Variants in SIK3 observed in about 807,000 individuals in gnomAD.
SIK3 encodes serine/threonine-protein kinase SIK3.
In SIK3, 28 loss-of-function variants were observed where a neutral mutation model predicts 144.2. The observed-to-expected ratio is 0.19, with a 90% confidence interval of 0.14 to 0.27. The LOEUF (loss-of-function observed/expected upper bound fraction) is 0.27. SIK3 is among the 10% of genes least tolerant of loss of function. The pLI, the probability that SIK3 is intolerant of heterozygous loss-of-function variation, is 1.00. For missense variants in SIK3, 1,319 were observed against 1,776.0 expected (o/e 0.74, Z 4.62); for synonymous variants, 686 against 676.3 (o/e 1.01, Z -0.22).
chr11:117,018,161 G>A (rs563298649), intron 1 of SIK3, among the ~76,000 whole-genome samples: 3 of 152,142 alleles, frequency 2.0e-5, no homozygotes, highest in African/African-American at 4.8e-5. Context: ...GTATACTGGG[G>A]GACTGGTTCC....
chr11:116,851,721 G>C (rs1334096553), intron 21 of SIK3, among the ~76,000 whole-genome samples: 1 of 152,172 alleles, frequency 6.6e-6, no homozygotes, highest in Non-Finnish European at 1.5e-5. Context: ...CCTACACCAG[G>C]ACTTGCTCTG....
chr11:117,018,584 C>A (rs760989034), intron 1 of SIK3, among the ~76,000 whole-genome samples: 13 of 152,154 alleles, frequency 8.5e-5, no homozygotes, highest in Non-Finnish European at 1.8e-4. Context: ...GCCTAATTAA[C>A]TGCAGTCCAC....
At chr11:116,943,014 T>C (rs1233554173) in intron 3 of SIK3, among the ~76,000 whole-genome samples, 2 of 152,032 alleles carry the variant, frequency 1.3e-5, no homozygotes, top group African/African-American at 2.4e-5. Context: ...TTAGACCAGA[T>C]TGGTAGTTAT....
chr11:117,053,362 G>T (rs1276262974), intron 1 of SIK3, among the ~76,000 whole-genome samples: 7 of 151,394 alleles, frequency 4.6e-5, no homozygotes, highest in Non-Finnish European at 4.4e-5. Flanking sequence ...AAGTAAAGTG[G>T]CAAATGCTAT....
At chr11:116,896,434 T>C (rs950709514) in intron 5 of SIK3, 58 bp from the exon 6 acceptor site, 1 of 1,576,442 alleles carries the variant, frequency 6.3e-7, no homozygotes, top group Non-Finnish European at 8.7e-7. Flanking sequence ...CAAAAAAGAC[T>C]ACTGTAGTGT....
intron 1 of SIK3, among the ~76,000 whole-genome samples, chr11:117,046,451 T>C (rs1952969838): frequency 6.6e-6 from 1 of 152,254 alleles, no homozygotes; most frequent in Non-Finnish European, 1.5e-5. Flanking sequence ...TGAATATTCT[T>C]AGGTTGACAT....
chr11:116,943,148 G>A (rs1412599281), intron 3 of SIK3, among the ~76,000 whole-genome samples: 1 of 150,778 alleles, frequency 6.6e-6, no homozygotes, highest in East Asian at 1.9e-4. Flanking sequence ...ATGGACCAGA[G>A]TCTAAATTAC....
At chr11:117,053,107 G>A (rs112188739) in intron 1 of SIK3, among the ~76,000 whole-genome samples, 2,142 of 152,254 alleles carry the variant, frequency 0.014, 62 homozygotes, top group African/African-American at 0.049. Context: ...GGGAGGCCGA[G>A]GTGGGTGGAT....
In SIK3 at chr11:116,876,408, C is replaced by T. The variant is rs368881011; in HGVS notation, c.985-45G>A. The T allele has an allele frequency of 9.6e-6, 14 of 1,465,720 alleles. No homozygotes were observed. In the African/African-American group the frequency reaches 1.1e-4, roughly 12 times the overall value. 90.8% of individuals were successfully genotyped at this position (1,465,720 alleles called of 1,614,324 possible). A position where few individuals can be genotyped will look rare whatever the true frequency, so the allele number is the denominator to read the frequency against. On this transcript the variant is annotated intron_variant, in intron 7 of 24. Coordinates refer to ENST00000445177, the MANE Select transcript of SIK3 (RefSeq NM_001366686.3). ...AAGCTGTCAACCCCCCAATTAACCACATCAAATGTGGCACAGCATATATAA... is the reference window on the plus strand; with the variant it reads ...AAGCTGTCAACCCCCCAATTAACCATATCAAATGTGGCACAGCATATATAA...
At chr11:116,968,979 T>C (rs997045772) in intron 1 of SIK3, among the ~76,000 whole-genome samples, 5 of 152,128 alleles carry the variant, frequency 3.3e-5, no homozygotes, top group African/African-American at 9.7e-5. Context: ...TCTCCAGATA[T>C]CAGAAATAGT....
chr11:117,054,349 T>C (rs1376491310), intron 1 of SIK3, among the ~76,000 whole-genome samples: 1 of 152,160 alleles, frequency 6.6e-6, no homozygotes, highest in African/African-American at 2.4e-5. Flanking sequence ...GAACAGTCAG[T>C]AGTCTGCATA....
rs76315897 is a variant in SIK3 at position 116,919,881 on chromosome 11, C to A, written c.616+7338G>T. Among the ~76,000 whole-genome samples the A allele has an allele frequency of 7.2e-4, 110 of 152,254 alleles. 1 individual carries two copies. Among genetic ancestry groups the A allele is most frequent in the African/African-American group, 2.5e-3 (105 of 41,570 alleles). On this transcript the variant is annotated intron_variant, in intron 4 of 24. Coordinates refer to ENST00000445177, the MANE Select transcript of SIK3 (RefSeq NM_001366686.3). ...CTAGAAATTCTCGCTTGCTTTCTCT[C>A]TTGAATTTGTTGCCGTTTTCTTCCT...
intron 1 of SIK3, among the ~76,000 whole-genome samples, chr11:117,039,693 T>C (rs761315332): frequency 6.6e-6 from 1 of 152,214 alleles, no homozygotes; most frequent in Non-Finnish European, 1.5e-5. Context: ...AAGTAACATT[T>C]GTTGGGCACT....
chr11:116,898,465 T>C (rs1945549708), intron 4 of SIK3, among the ~76,000 whole-genome samples: 1 of 151,916 alleles, frequency 6.6e-6, no homozygotes, highest in African/African-American at 2.4e-5. Flanking sequence ...AGCAACATGA[T>C]TTATAGTCCT....
intron 1 of SIK3, among the ~76,000 whole-genome samples, chr11:117,012,209 A>G (rs1484607135): frequency 6.6e-6 from 1 of 152,274 alleles, no homozygotes; most frequent in South Asian, 2.1e-4. Context: ...CCCGGACTCA[A>G]GCAATTCTCT....
At chr11:117,021,439 T>C (rs1198782043) in intron 1 of SIK3, among the ~76,000 whole-genome samples, 1 of 152,116 alleles carries the variant, frequency 6.6e-6, no homozygotes, top group African/African-American at 2.4e-5. Context: ...CATTAACCCA[T>C]GTCCGTAGCA....
chr11:116,856,058 G>C (rs899005616), intron 21 of SIK3, among the ~76,000 whole-genome samples: 1 of 151,980 alleles, frequency 6.6e-6, no homozygotes, highest in African/African-American at 2.4e-5. Flanking sequence ...TTAGCCGGGC[G>C]TGGTGGCGGG....
chr11:116,857,891 T>C lies in SIK3; in HGVS notation c.3574A>G (p.Ser1192Gly). The change falls in exon 21 of 25, where the codon AGT becomes GGT. Residue 1192 changes from serine to glycine, a missense_variant. Transcript: ENST00000445177. ...GDPESLLGTV[S>G]HAQELGIHPY... is the part of the protein sequence containing the mutation. ...TGTATCCCCAATTCTTGGGCATGAC[T>C]CACAGTTCCTAGCAAAGATTCAGGG... 1 of 1,614,210 alleles carries C rather than the reference T, an allele frequency of 6.2e-7. No homozygotes were observed.
chr11:117,094,982 C>T (rs1049982758), intron 1 of SIK3, among the ~76,000 whole-genome samples: 3 of 151,996 alleles, frequency 2.0e-5, no homozygotes, highest in Non-Finnish European at 2.9e-5. Context: ...GAATGCCGTG[C>T]TGCAAAAGTA....
Sources: allele counts gnomAD v4.1 joint callset (sites outside exome capture counted in the v4.1 genomes callset), GRCh38; gene constraint gnomAD v4.1.1; transcripts MANE v1.5; gene names NCBI Gene and HGNC (gene_info 2026-07-23, HGNC 2026-07-21).